NFIB: variants seen among roughly 807,000 people sequenced by gnomAD.
NFIB encodes nuclear factor I B.
Under a neutral mutation model 61.5 loss-of-function variants are expected in NFIB, and 11 were observed. The observed-to-expected ratio is 0.18, with a 90% CI of 0.11 to 0.30. The LOEUF is 0.30. Among genes scored for constraint, NFIB ranks in the 10% least tolerant of loss-of-function variants. NFIB has a pLI of 1.00. For missense variants in NFIB, 471 were observed against 608.9 expected, an observed-to-expected ratio of 0.77 and a Z score of 2.38; for synonymous variants, 260 against 216.5, an observed-to-expected ratio of 1.20 and a Z score of -1.76.
intron 2 of NFIB, among the ~76,000 whole-genome samples, chr9:14,213,881 T>C (rs1212090560): frequency 1.3e-5 from 2 of 152,166 alleles, no homozygotes; most frequent in African/African-American, 4.8e-5. Flanking sequence ...ACATGCTTCC[T>C]TGCCTCTGTT....
At chr9:14,260,579 A>T (rs375899429) in intron 2 of NFIB, among the ~76,000 whole-genome samples, 16 of 152,340 alleles carry the variant, frequency 1.1e-4, no homozygotes, top group African/African-American at 3.4e-4. Flanking sequence ...TTGATTTCCC[A>T]TGGAAGACAG....
At chr9:14,276,262 T>A (rs942394203) in intron 2 of NFIB, among the ~76,000 whole-genome samples, 1 of 152,180 alleles carries the variant, frequency 6.6e-6, no homozygotes, top group Non-Finnish European at 1.5e-5. Context: ...GTTGGGGTAG[T>A]TGCTTCCCAA....
chr9:14,521,210 T>A, the NFIB span, among the ~76,000 whole-genome samples: 3 of 152,342 alleles, frequency 2.0e-5, no homozygotes, highest in African/African-American at 7.2e-5. Context: ...AGGAACTATT[T>A]TTTAATATTT....
chr9:14,144,349 A>G (rs576178127), intron 6 of NFIB, among the ~76,000 whole-genome samples: 9 of 152,202 alleles, frequency 5.9e-5, no homozygotes, highest in Non-Finnish European at 1.3e-4. Flanking sequence ...TACCATTAAA[A>G]TCTTCTCCAG....
In NFIB at chr9:14,128,011, T is replaced by A. The variant is rs570555729; in HGVS notation, c.926-2245A>T. Among the ~76,000 whole-genome samples the A allele has an allele frequency of 2.4e-3, 359 of 147,220 alleles. 3 individuals are homozygous for A. Among genetic ancestry groups the A allele is most frequent in the Middle Eastern group, 0.015 (4 of 272 alleles). The stretch of plus-strand genomic sequence containing the variant: ...TGCCACTATAAAAAAAGAAAAAAAA[T>A]TTAAACCATGGTTTAAAAAATAGAC... On this transcript the variant is annotated intron_variant, in intron 6 of 10. Coordinates refer to ENST00000380953, the MANE Select transcript of NFIB (RefSeq NM_001190737.2).
chr9:14,097,094 A>G (rs986664451), intron 10 of NFIB, among the ~76,000 whole-genome samples: 1 of 152,248 alleles, frequency 6.6e-6, no homozygotes, highest in Non-Finnish European at 1.5e-5. Context: ...ATTTTTAAGA[A>G]TGGTAATGTT....
At position 14,286,102 on chromosome 9, in the gene NFIB, C is replaced by T. The variant is rs144844976; in HGVS notation, c.562+20887G>A. 1.3e-3 allele frequency among the ~76,000 whole-genome samples: 202 copies of T among 152,326 alleles called. 1 individual carries two copies. Among genetic ancestry groups the T allele is most frequent in the Admixed American group, 3.8e-3 (58 of 15,304 alleles). ...ACTGACATGTTCACTGCAAAACCTG[C>T]AACAAGTCTGCTGACATCTGAGGAA... is the stretch of plus-strand genomic sequence containing the variant. On this transcript the variant is annotated intron_variant, in intron 2 of 10. Transcript: ENST00000380953.
At chr9:14,421,517 C>T in the NFIB span, among the ~76,000 whole-genome samples, 1 of 152,192 alleles carries the variant, frequency 6.6e-6, no homozygotes, top group Non-Finnish European at 1.5e-5. Flanking sequence ...GAGTATACAT[C>T]ATGAAAATGG....
rs1156325515 is a variant in NFIB, at chr9:14,216,534, CTCTCTCTCCCTCTGTGTGTGTG to C, written c.563-36776_563-36755del. Among the ~76,000 whole-genome samples the C allele has an allele frequency of 8.5e-3, 293 of 34,524 alleles. 2 individuals are homozygous for C. The highest frequency in any genetic ancestry group is 0.028 in the African/African-American group (261 of 9,300). 22.6% of individuals were successfully genotyped at this position (34,524 alleles called of 152,430 possible). A position where few individuals can be genotyped will look rare whatever the true frequency, so the allele number is the denominator to read the frequency against. On this transcript the variant is annotated intron_variant, in intron 2 of 10. Transcript: ENST00000380953. Reference sequence around the variant, plus strand: ...TCTCTCTCTCTCTCTCTCTCTCTCTCTCTCTCTCCCTCTGTGTGTGTGTGTGTGTGTGTGTGTGTGTGTGTGT... The same window carrying C: ...TCTCTCTCTCTCTCTCTCTCTCTCTCTGTGTGTGTGTGTGTGTGTGTGTGT...
intron 10 of NFIB, among the ~76,000 whole-genome samples, chr9:14,097,566 G>C (rs1325130156): frequency 6.6e-6 from 1 of 152,044 alleles, no homozygotes; most frequent in Non-Finnish European, 1.5e-5. Flanking sequence ...TATTACCTAA[G>C]GACATACTGC....
intron 2 of NFIB, among the ~76,000 whole-genome samples, chr9:14,222,240 C>G (rs1337401374): frequency 6.6e-6 from 1 of 152,158 alleles, no homozygotes; most frequent in African/African-American, 2.4e-5. Context: ...CAAACACTGG[C>G]AGAAACTCCC....
chr9:14,303,366 T>C (rs1464342694), intron 2 of NFIB, among the ~76,000 whole-genome samples: 2 of 152,222 alleles, frequency 1.3e-5, no homozygotes, highest in Non-Finnish European at 1.5e-5. Flanking sequence ...TGTGCAAGGC[T>C]TGCCTGGTTT....
At chr9:14,447,936 G>A in the NFIB span, among the ~76,000 whole-genome samples, 1 of 152,084 alleles carries the variant, frequency 6.6e-6, no homozygotes, top group African/African-American at 2.4e-5. Flanking sequence ...TGCATAGAAG[G>A]AAGGCTGATC....
chr9:14,305,182 T>G (rs1458196399), intron 2 of NFIB, among the ~76,000 whole-genome samples: 2 of 152,172 alleles, frequency 1.3e-5, no homozygotes, highest in African/African-American at 4.8e-5. Flanking sequence ...TATTGTCAGT[T>G]CATCAAAACT....
rs2033081744 is a variant in NFIB at position 14,087,715 on chromosome 9, T to G, written c.*594A>C. 4.6e-6 allele frequency: 1 copy of G among 217,824 alleles called. No homozygotes were observed. Among genetic ancestry groups the G allele is most frequent in the Non-Finnish European group, 9.3e-6 (1 of 107,952 alleles). 13.5% of individuals were successfully genotyped at this position (217,824 alleles called of 1,614,324 possible). On this transcript the variant is annotated 3_prime_UTR_variant, in exon 11 of 11. Transcript: ENST00000380953. ...AGAGATTTCATATATTTTTTTTAAC[T>G]TTTAGAAATCAGAGTGCTTATAAAA...
At chr9:14,251,413 C>A (rs1161795381) in intron 2 of NFIB, among the ~76,000 whole-genome samples, 1 of 152,218 alleles carries the variant, frequency 6.6e-6, no homozygotes, top group Non-Finnish European at 1.5e-5. Context: ...TCCAGCTCAG[C>A]AGTCAACTGA....
intron 1 of NFIB, among the ~76,000 whole-genome samples, chr9:14,376,181 C>G (rs2061417164): frequency 6.6e-6 from 1 of 152,194 alleles, no homozygotes; most frequent in African/African-American, 2.4e-5. Flanking sequence ...CCACTTCAGC[C>G]TCCCAAATGG....
the NFIB span, among the ~76,000 whole-genome samples, chr9:14,482,326 T>G: frequency 2.0e-5 from 3 of 152,116 alleles, no homozygotes; most frequent in East Asian, 5.8e-4. Context: ...GCATCTGTCC[T>G]AAACCCATTC....
chr9:14,358,488 A>G (rs2061202675), intron 1 of NFIB, among the ~76,000 whole-genome samples: 1 of 152,176 alleles, frequency 6.6e-6, no homozygotes. Context: ...CACAGCAGTC[A>G]TACTTGTAAT....
Sources: gnomAD v4.1 joint callset for allele counts (sites outside exome capture counted in the v4.1 genomes callset) on GRCh38, gnomAD v4.1.1 for gene constraint, MANE v1.5 for transcripts, NCBI Gene and HGNC (gene_info 2026-07-23, HGNC 2026-07-21) for gene names.